BDKRB2: variants seen among roughly 807,000 people sequenced by gnomAD.
BDKRB2 encodes B2 bradykinin receptor.
Under a neutral mutation model 4.0 loss-of-function variants are expected in BDKRB2, and 6 were observed. The observed-to-expected ratio is 1.49, with a 90% CI of 0.81 to 2.93. The LOEUF (loss-of-function observed/expected upper bound fraction) is 2.93, where lower values mean the gene tolerates loss of function less well. Among genes scored for constraint, BDKRB2 ranks in the 30% most tolerant of loss-of-function variants. The probability of loss-of-function intolerance (pLI) is 0.00; values close to 1 mark genes in which losing one functional copy is unlikely to be tolerated. For synonymous variants in BDKRB2, 225 were observed against 215.3 expected (o/e 1.05, Z -0.40); for missense variants, 478 against 520.1 (o/e 0.92, Z 0.79).
At chr14:96,234,645 AC>A (rs1007211376) in intron 1 of BDKRB2, among the ~76,000 whole-genome samples, 4 of 152,084 alleles carry the variant, frequency 2.6e-5, no homozygotes, top group African/African-American at 9.7e-5. Context: ...CAGTTCCTCA[AC>A]CCGCCTGCCC....
chr14:96,222,695 C>T (rs1355445149), intron 1 of BDKRB2, among the ~76,000 whole-genome samples: 2 of 151,766 alleles, frequency 1.3e-5, no homozygotes, highest in Non-Finnish European at 2.9e-5. Flanking sequence ...TCACCAAGCA[C>T]TTGAAAGGTG....
At position 96,242,820 on chromosome 14, in the gene BDKRB2, G is replaced by C. The variant is rs200777270; in HGVS notation, c.*1316G>C. The C allele has an allele frequency of 6.6e-6, 1 of 152,404 alleles. No homozygotes were observed. The highest frequency in any genetic ancestry group is 1.5e-5 in the Non-Finnish European group (1 of 68,192). The allele number at this position is 152,404 out of a possible 1,614,324, so 9.4% of individuals were successfully genotyped here. Reference sequence around the variant, plus strand: ...ACTGTTCCTGTCTCAGCAACCAAGGGATTGTTCCTGTCAATCAATGGTTTA... The same window carrying C: ...ACTGTTCCTGTCTCAGCAACCAAGGCATTGTTCCTGTCAATCAATGGTTTA... On this transcript the variant is annotated 3_prime_UTR_variant, in exon 3 of 3. Transcript: ENST00000554311.
At chr14:96,208,588 A>G (rs1183678102) in intron 1 of BDKRB2, among the ~76,000 whole-genome samples, 2 of 152,178 alleles carry the variant, frequency 1.3e-5, no homozygotes, top group Non-Finnish European at 2.9e-5. Flanking sequence ...GAGCTCAGGT[A>G]CCAGACGGAC....
intron 1 of BDKRB2, among the ~76,000 whole-genome samples, chr14:96,229,635 G>A (rs938205287): frequency 6.6e-6 from 1 of 152,004 alleles, no homozygotes; most frequent in Non-Finnish European, 1.5e-5. Context: ...CCAGCCAGGT[G>A]GACCCACAGA....
chr14:96,230,453 G>A (rs778919550), intron 1 of BDKRB2, among the ~76,000 whole-genome samples: 39 of 152,160 alleles, frequency 2.6e-4, no homozygotes, highest in African/African-American at 3.6e-4. Flanking sequence ...GGAGTGCAAC[G>A]GTGCGATCTC....
chr14:96,231,348 T>A (rs1890814796), intron 1 of BDKRB2, among the ~76,000 whole-genome samples: 1 of 152,106 alleles, frequency 6.6e-6, no homozygotes, highest in Non-Finnish European at 1.5e-5. Context: ...AGAATGGAGG[T>A]CACTTCCCAG....
chr14:96,217,361 G>A (rs965866837), intron 1 of BDKRB2, among the ~76,000 whole-genome samples: 1 of 152,222 alleles, frequency 6.6e-6, no homozygotes, highest in Non-Finnish European at 1.5e-5. Context: ...CACCGCAGAC[G>A]GTCACAGCTG....
At chr14:96,213,782 TC>T (rs569684700) in intron 1 of BDKRB2, among the ~76,000 whole-genome samples, 25 of 150,654 alleles carry the variant, frequency 1.7e-4, no homozygotes, top group Non-Finnish European at 2.7e-4. Context: ...ATCACAAGTA[TC>T]CCCCCCGACA....
At chr14:96,238,967 A>G in intron 2 of BDKRB2, 1 of 985,480 alleles carries the variant, frequency 1.0e-6, no homozygotes, top group Non-Finnish European at 1.2e-6. Flanking sequence ...TAAAGGATAG[A>G]AGCATTGATT....
At chr14:96,205,500 T>G (rs1890156287) in intron 1 of BDKRB2, among the ~76,000 whole-genome samples, 1 of 151,076 alleles carries the variant, frequency 6.6e-6, no homozygotes, top group African/African-American at 2.4e-5. Flanking sequence ...GTGGGGGGGT[T>G]TGTGAATGTT....
chr14:96,213,037 C>G (rs1890337096), intron 1 of BDKRB2, among the ~76,000 whole-genome samples: 1 of 152,042 alleles, frequency 6.6e-6, no homozygotes, highest in South Asian at 2.1e-4. Context: ...ACCAACTGGC[C>G]CGATTGTTCA....
intron 1 of BDKRB2, among the ~76,000 whole-genome samples, chr14:96,222,717 CT>C (rs148233696): frequency 0.065 from 9,955 of 152,082 alleles, 450 homozygotes; most frequent in East Asian, 0.097. Context: ...CTGCTTCAAA[CT>C]GGTATGCTAA....
intron 1 of BDKRB2, chr14:96,211,127 C>T (rs940439006): frequency 3.9e-5 from 6 of 152,344 alleles, no homozygotes; most frequent in African/African-American, 1.2e-4. Flanking sequence ...CCAAACATTT[C>T]GGGAAGCATC....
intron 1 of BDKRB2, among the ~76,000 whole-genome samples, chr14:96,220,605 C>T (rs1890535943): frequency 6.6e-6 from 1 of 151,924 alleles, no homozygotes; most frequent in Admixed American, 6.5e-5. Flanking sequence ...GGGCCACCTC[C>T]TCTGCCCCTC....
At position 96,212,535 on chromosome 14, in the gene BDKRB2, G is replaced by A. The variant is rs536681599; in HGVS notation, c.-40+7576G>A. On this transcript the variant is annotated intron_variant, in intron 1 of 2. Coordinates refer to ENST00000554311, the MANE Select transcript of BDKRB2 (RefSeq NM_001379692.1). Reference sequence around the variant, plus strand: ...AATGTCAGTAGGCCATCTAAGGATGGCTCTTTGAAGAGCAGACAGGAGAAG... The same window carrying A: ...AATGTCAGTAGGCCATCTAAGGATGACTCTTTGAAGAGCAGACAGGAGAAG... Among the ~76,000 whole-genome samples the A allele has an allele frequency of 1.7e-4, 26 of 152,352 alleles. 1 individual carries two copies. The South Asian group carries it at 5.4e-3, about 32-fold the overall frequency.
intron 1 of BDKRB2, among the ~76,000 whole-genome samples, chr14:96,212,681 A>C (rs952414131): frequency 1.3e-5 from 2 of 152,228 alleles, no homozygotes; most frequent in African/African-American, 4.8e-5. Flanking sequence ...TGGGCACAGC[A>C]GTGCAGTCTT....
chr14:96,219,070 A>G (rs1890494922), intron 1 of BDKRB2, among the ~76,000 whole-genome samples: 1 of 152,012 alleles, frequency 6.6e-6, no homozygotes, highest in Non-Finnish European at 1.5e-5. Flanking sequence ...TTGGGAGGCC[A>G]AGGCAGGGAT....
At chr14:96,216,101 A>G (rs1022449179) in intron 1 of BDKRB2, among the ~76,000 whole-genome samples, 1 of 152,228 alleles carries the variant, frequency 6.6e-6, no homozygotes, top group African/African-American at 2.4e-5. Flanking sequence ...TACCAAGGAA[A>G]GTAGGCAAGC....
chr14:96,208,600 G>A (rs1236716392), intron 1 of BDKRB2, among the ~76,000 whole-genome samples: 1 of 152,204 alleles, frequency 6.6e-6, no homozygotes, highest in East Asian at 1.9e-4. Flanking sequence ...CAGACGGACT[G>A]TCTATGGAGG....
Sources: gnomAD v4.1 joint callset for allele counts (sites outside exome capture counted in the v4.1 genomes callset) on GRCh38, gnomAD v4.1.1 for gene constraint, MANE v1.5 for transcripts, NCBI Gene and HGNC (gene_info 2026-07-23, HGNC 2026-07-21) for gene names.